The following LIFR variants were observed in gnomAD, a reference collection of about 807,000 sequenced individuals.
LIFR encodes leukemia inhibitory factor receptor.
In LIFR, 84 loss-of-function variants were observed where a neutral mutation model predicts 122.2. That is an observed-to-expected ratio of 0.69 (90% CI 0.58 to 0.82). The LOEUF (loss-of-function observed/expected upper bound fraction) is 0.82, where lower values mean the gene tolerates loss of function less well. LIFR is among the 40% of genes least tolerant of loss of function. The pLI is 0.00. For missense variants in LIFR, 1,294 were observed against 1,311.6 expected (o/e 0.99, Z 0.21); for synonymous variants, 422 against 434.7 (o/e 0.97, Z 0.36).
rs757892555 is a variant in LIFR at position 38,523,448 on chromosome 5, G to A, written c.532C>T (p.Arg178Cys). The change falls in exon 5 of 20, where the codon CGT (arginine) becomes TGT (cysteine). Residue 178 changes from arginine (R) to cysteine (C), a missense_variant. Arg to Cys is a radical substitution (Grantham distance 180). Coordinates refer to ENST00000453190, the MANE Select transcript of LIFR (RefSeq NM_001127671.2). ...SNVIWEIKVLRKESMELVKLV... is the reference protein window; with the variant it reads ...SNVIWEIKVLCKESMELVKLV... Reference sequence around the variant, plus strand: ...TTTACGAGCTCCATACTCTCTTTACGTAGAACTTTAATTTCCCAGATAACA... The same window carrying A: ...TTTACGAGCTCCATACTCTCTTTACATAGAACTTTAATTTCCCAGATAACA... 29 of 1,612,732 alleles carry A rather than the reference G, an allele frequency of 1.8e-5. No homozygotes were observed. The highest frequency in any genetic ancestry group is 1.1e-4 in the South Asian group (10 of 90,814).
chr5:38,496,644 G>A (rs1402924906), intron 12 of LIFR, 49 bp from the exon 13 acceptor site: 3 of 1,356,076 alleles, frequency 2.2e-6, no homozygotes, highest in Admixed American at 3.4e-5. Context: ...ACGTGACTGT[G>A]ACTAGGCAAG....
chr5:38,530,982 T>C lies in LIFR; in HGVS notation c.-19-316A>G, dbSNP rs940093138. 4 of 249,930 alleles carry C rather than the reference T, an allele frequency of 1.6e-5. No individual in the cohort carries two copies. In the East Asian group the frequency reaches 2.6e-4, roughly 16 times the overall value. The allele number at this position is 249,930 out of a possible 1,614,324, so 15.5% of individuals were successfully genotyped here. On this transcript the variant is annotated intron_variant, in intron 1 of 19. Coordinates refer to ENST00000453190, the MANE Select transcript of LIFR (RefSeq NM_001127671.2). ...ACTCTACTCCAACTCTACTAAAATG[T>C]AGAAAAGCAGTGCATGAGACTGAAT... is the stretch of plus-strand genomic sequence containing the variant.
chr5:38,545,016 T>A (rs1037325298), intron 1 of LIFR, among the ~76,000 whole-genome samples: 2 of 152,200 alleles, frequency 1.3e-5, no homozygotes, highest in African/African-American at 4.8e-5. Context: ...ATGCCTATAA[T>A]CCCAGCACTT....
upstream of LIFR, among the ~76,000 whole-genome samples, chr5:38,561,339 T>C (rs575850455): frequency 1.1e-4 from 17 of 152,314 alleles, no homozygotes; most frequent in Non-Finnish European, 2.1e-4. Context: ...TGTTTCGTTT[T>C]TGTTTTTGTT....
intron 3 of LIFR, 81 bp from the exon 4 acceptor site, chr5:38,527,375 A>C (rs890456293): frequency 3.4e-6 from 3 of 886,612 alleles, no homozygotes; most frequent in Admixed American, 2.0e-5. Flanking sequence ...CACAAAATAC[A>C]ATGGAAAATA....
intron 12 of LIFR, among the ~76,000 whole-genome samples, chr5:38,497,544 G>C (rs1744948734): frequency 6.6e-6 from 1 of 152,058 alleles, no homozygotes; most frequent in Non-Finnish European, 1.5e-5. Flanking sequence ...TAGCATCATG[G>C]GTTTTTTTCT....
chr5:38,591,315 T>A (rs925539804), intron 1 of LIFR, among the ~76,000 whole-genome samples: 2 of 152,272 alleles, frequency 1.3e-5, no homozygotes, highest in African/African-American at 4.8e-5. Flanking sequence ...GTGGTAATTA[T>A]GTGCACATTA....
chr5:38,576,237 A>G (rs139897165), intron 1 of LIFR, among the ~76,000 whole-genome samples: 127 of 152,270 alleles, frequency 8.3e-4, no homozygotes, highest in African/African-American at 2.9e-3. Flanking sequence ...TATTGCAATA[A>G]TCTGCTAACA....
chr5:38,574,541 G>C (rs1749321784), intron 1 of LIFR, among the ~76,000 whole-genome samples: 1 of 152,134 alleles, frequency 6.6e-6, no homozygotes, highest in Non-Finnish European at 1.5e-5. Context: ...AATCATTGTT[G>C]AATGAATGAA....
At chr5:38,557,738 A>C (rs1164993921), upstream of LIFR, 1 of 154,442 alleles carries the variant, frequency 6.5e-6, no homozygotes, top group Non-Finnish European at 1.5e-5. Context: ...TGGGCAACAA[A>C]ACACCTGAAA....
chr5:38,496,349 G>C (rs114701557), intron 13 of LIFR, 33 bp downstream of exon 13: 1 of 1,496,208 alleles, frequency 6.7e-7, no homozygotes, highest in Non-Finnish European at 9.3e-7. Context: ...TTAGTTTCCC[G>C]TTCTTATATA....
chr5:38,515,311 G>A (rs1488502375), intron 5 of LIFR, among the ~76,000 whole-genome samples: 1 of 151,942 alleles, frequency 6.6e-6, no homozygotes, highest in African/African-American at 2.4e-5. Flanking sequence ...TGTGAATAAG[G>A]TTGGGAAGCC....
At chr5:38,526,289 C>CT (rs894263828) in intron 4 of LIFR, among the ~76,000 whole-genome samples, 15 of 151,870 alleles carry the variant, frequency 9.9e-5, no homozygotes, top group East Asian at 3.9e-4. Flanking sequence ...GTATTCCCAG[C>CT]TTTTTTTTAC....
At chr5:38,574,133 CA>C (rs1180707209) in intron 1 of LIFR, among the ~76,000 whole-genome samples, 11 of 150,310 alleles carry the variant, frequency 7.3e-5, no homozygotes, top group South Asian at 4.2e-4. Flanking sequence ...CACAACAAAA[CA>C]AAAAAAAAGC....
intron 5 of LIFR, among the ~76,000 whole-genome samples, chr5:38,520,560 T>C (rs1384239987): frequency 6.6e-6 from 1 of 152,206 alleles, no homozygotes; most frequent in African/African-American, 2.4e-5. Context: ...CCATGTTTTA[T>C]AGTTTCAGTC....
chr5:38,579,695 T>C (rs1749520334), intron 1 of LIFR: 1 of 152,200 alleles, frequency 6.6e-6, no homozygotes, highest in South Asian at 2.1e-4. Context: ...TCAATTATGT[T>C]ATAGACAAAA....
intron 14 of LIFR, among the ~76,000 whole-genome samples, chr5:38,491,129 T>A (rs1744568712): frequency 6.6e-6 from 1 of 152,192 alleles, no homozygotes; most frequent in African/African-American, 2.4e-5. Context: ...AACATCACCA[T>A]TAAGTGTCCT....
rs141919846 is a variant in LIFR, at chr5:38,594,190, C to T, written c.-20+1071G>A. Among the ~76,000 whole-genome samples, 65 of 152,064 alleles carry T rather than the reference C, an allele frequency of 4.3e-4. 2 individuals carry two copies. In the East Asian group the frequency reaches 7.0e-3, roughly 16 times the overall value. On this transcript the variant is annotated intron_variant, in intron 1 of 19. Coordinates refer to the LIFR transcript ENST00000263409. The stretch of plus-strand genomic sequence containing the variant: ...GCATCCTGTGGTTTTGGCTAGTAGA[C>T]AGTTCTTTGTGCAAAGAAAAAAGTG...
intron 1 of LIFR, among the ~76,000 whole-genome samples, chr5:38,570,920 A>G (rs1749189068): frequency 6.6e-6 from 1 of 152,210 alleles, no homozygotes; most frequent in Admixed American, 6.5e-5. Flanking sequence ...AAAAATAGTT[A>G]CCATAATTAT....
Sources: gnomAD v4.1 joint callset for allele counts (sites outside exome capture counted in the v4.1 genomes callset) on GRCh38, gnomAD v4.1.1 for gene constraint, MANE v1.5 for transcripts, NCBI Gene and HGNC (gene_info 2026-07-23, HGNC 2026-07-21) for gene names.